The following AGBL4 variants were observed in gnomAD, a reference collection of about 807,000 sequenced individuals.
The protein encoded by AGBL4 is cytosolic carboxypeptidase 6.
AGBL4 carries 58 observed loss-of-function variants against 66.4 expected under a neutral mutation model. That is an observed-to-expected ratio of 0.87 (90% CI 0.71 to 1.09). The LOEUF (loss-of-function observed/expected upper bound fraction) is 1.09, where lower values mean the gene tolerates loss of function less well. AGBL4 is among the 50% of genes least tolerant of loss of function. AGBL4 has a pLI of 0.00. For synonymous variants in AGBL4, 234 were observed against 222.9 expected (o/e 1.05, Z -0.44); for missense variants, 579 against 631.0 (o/e 0.92, Z 0.88).
intron 4 of AGBL4, among the ~76,000 whole-genome samples, chr1:49,226,093 G>A (rs2148287174): frequency 6.6e-6 from 1 of 152,276 alleles, no homozygotes; most frequent in East Asian, 1.9e-4. Flanking sequence ...ATGAAACCCA[G>A]GTCCATCTGT....
chr1:48,688,080 G>T (rs547913744), intron 6 of AGBL4, among the ~76,000 whole-genome samples: 5 of 152,084 alleles, frequency 3.3e-5, no homozygotes, highest in African/African-American at 1.2e-4. Flanking sequence ...TAGAACAGTA[G>T]GTATTAAATA....
intron 4 of AGBL4, among the ~76,000 whole-genome samples, chr1:49,151,281 AATATAT>A (rs67309599): frequency 7.7e-5 from 11 of 143,198 alleles, no homozygotes; most frequent in South Asian, 4.3e-4. Context: ...AAAAAAAAAA[AATATAT>A]ATATATATAT....
At chr1:49,710,198 C>A (rs147004881) in intron 2 of AGBL4, among the ~76,000 whole-genome samples, 3 of 152,290 alleles carry the variant, frequency 2.0e-5, no homozygotes, top group African/African-American at 7.2e-5. Flanking sequence ...CCCAAATGCC[C>A]ATCAATGGTA....
rs1034663450 is a variant in AGBL4 at position 49,262,305 on chromosome 1, G to T, written c.283-16441C>A. Reference sequence around the variant, plus strand: ...GCGACAAAAGACAAAATTGACAAATGGGATCTAATTAAACTAAAGAGCTTC... The same window carrying T: ...GCGACAAAAGACAAAATTGACAAATTGGATCTAATTAAACTAAAGAGCTTC... On this transcript the variant is annotated intron_variant, in intron 3 of 13. Transcript: ENST00000371839. 7.9e-5 allele frequency among the ~76,000 whole-genome samples: 12 copies of T among 152,276 alleles called. No homozygotes were observed. In the Middle Eastern group the frequency reaches 0.01, roughly 129 times the overall value.
In AGBL4 at chr1:48,775,900, C is replaced by G. The variant is rs538739638; in HGVS notation, c.634+91291G>C. ...GCCCTCAACTCTCTCATTCAGGGAG[C>G]CTTCTGGGAGATTCAGAAAGGGGTG... On this transcript the variant is annotated intron_variant, in intron 6 of 13. Coordinates refer to ENST00000371839, the MANE Select transcript of AGBL4 (RefSeq NM_032785.4). Among the ~76,000 whole-genome samples, 519 of 152,294 alleles carry G rather than the reference C, an allele frequency of 3.4e-3. 2 individuals are homozygous for G. Among genetic ancestry groups the G allele is most frequent in the African/African-American group, 0.01 (434 of 41,534 alleles).
chr1:49,681,540 G>T (rs1431965038), intron 3 of AGBL4, among the ~76,000 whole-genome samples: 1 of 152,072 alleles, frequency 6.6e-6, no homozygotes, highest in African/African-American at 2.4e-5. Flanking sequence ...ACATTATTTT[G>T]CAAGTCCTCA....
At chr1:49,098,534 G>A (rs1279318240) in intron 4 of AGBL4, among the ~76,000 whole-genome samples, 5 of 152,206 alleles carry the variant, frequency 3.3e-5, no homozygotes, top group Non-Finnish European at 4.4e-5. Context: ...TGCAGCCATA[G>A]CAATAGGTCA....
At chr1:49,556,729 G>A (rs1317096590) in intron 3 of AGBL4, among the ~76,000 whole-genome samples, 1 of 151,996 alleles carries the variant, frequency 6.6e-6, no homozygotes, top group Non-Finnish European at 1.5e-5. Context: ...CCCTTGGGCC[G>A]TCCATGGGAC....
At chr1:49,256,034 C>T (rs144905684) in intron 3 of AGBL4, among the ~76,000 whole-genome samples, 9 of 152,044 alleles carry the variant, frequency 5.9e-5, no homozygotes, top group East Asian at 1.9e-4. Flanking sequence ...GAATGGAAAT[C>T]GGGAAAAATA....
At chr1:48,914,381 A>C (rs1200535850) in intron 5 of AGBL4, among the ~76,000 whole-genome samples, 1 of 152,124 alleles carries the variant, frequency 6.6e-6, no homozygotes, top group African/African-American at 2.4e-5. Context: ...TGTAAAGTTG[A>C]GTGGGGCAGA....
intron 5 of AGBL4, among the ~76,000 whole-genome samples, chr1:48,872,491 T>C (rs1188543030): frequency 6.6e-6 from 1 of 152,172 alleles, no homozygotes; most frequent in Non-Finnish European, 1.5e-5. Flanking sequence ...CTTGCTTATT[T>C]TGTCACAAGG....
chr1:49,288,743 T>G (rs370610875), intron 3 of AGBL4, among the ~76,000 whole-genome samples: 3 of 152,288 alleles, frequency 2.0e-5, no homozygotes, highest in Admixed American at 6.5e-5. Context: ...CTGTTTGAGA[T>G]GCCAAGGGAC....
At chr1:49,160,991 T>A (rs1646530412) in intron 4 of AGBL4, among the ~76,000 whole-genome samples, 1 of 152,112 alleles carries the variant, frequency 6.6e-6, no homozygotes. Context: ...CTGGGCTCCC[T>A]CGGGGTGGGA....
chr1:49,710,394 C>A (rs1007284667), intron 2 of AGBL4, among the ~76,000 whole-genome samples: 3 of 151,924 alleles, frequency 2.0e-5, no homozygotes, highest in African/African-American at 7.3e-5. Context: ...AAAAATGAGA[C>A]CATATGGGTA....
At position 48,611,634 on chromosome 1, in the gene AGBL4, G is replaced by A. The variant is rs1300258313; in HGVS notation, c.952-20649C>T. 3.9e-5 allele frequency among the ~76,000 whole-genome samples: 6 copies of A among 152,302 alleles called. No individual in the cohort carries two copies. The East Asian group carries it at 7.7e-4, about 20-fold the overall frequency. ...TCTCATTTAATTTTCACATAAGCCA[G>A]AGTTTTGGCCATTATCCTCATTTTA... is the stretch of plus-strand genomic sequence containing the variant. On this transcript the variant is annotated intron_variant, in intron 9 of 13. Transcript: ENST00000371839.
chr1:48,876,206 G>C (rs1156540241), intron 5 of AGBL4, among the ~76,000 whole-genome samples: 2 of 152,182 alleles, frequency 1.3e-5, no homozygotes, highest in Non-Finnish European at 2.9e-5. Context: ...TCTCCTGGCA[G>C]TGTGGGCTCT....
intron 3 of AGBL4, among the ~76,000 whole-genome samples, chr1:49,302,738 T>C (rs991526950): frequency 6.6e-6 from 1 of 151,294 alleles, no homozygotes; most frequent in East Asian, 1.9e-4. Context: ...TGTGACATGG[T>C]GGTTTGTTGC....
Position 49,783,186 on chromosome 1 carries a change from G to T in AGBL4, c.157+68210C>A, listed in dbSNP as rs148947973. On this transcript the variant is annotated intron_variant, in intron 2 of 13. Coordinates refer to ENST00000371839, the MANE Select transcript of AGBL4 (RefSeq NM_032785.4). ...GTATTTTATTATAGCAGCCTGAACT[G>T]GTTAAGATAAAGAATGAATTAGTAT... 4.2e-3 allele frequency among the ~76,000 whole-genome samples: 633 copies of T among 151,790 alleles called. 2 individuals are homozygous for T. Among genetic ancestry groups the T allele is most frequent in the Middle Eastern group, 0.02 (6 of 294 alleles).
chr1:49,655,582 A>G (rs1257584957), intron 3 of AGBL4, among the ~76,000 whole-genome samples: 1 of 152,218 alleles, frequency 6.6e-6, no homozygotes, highest in Non-Finnish European at 1.5e-5. Flanking sequence ...ATAGCACTAA[A>G]TGCCTACAAG....
Sources: allele counts gnomAD v4.1 joint callset (sites outside exome capture counted in the v4.1 genomes callset), GRCh38; gene constraint gnomAD v4.1.1; transcripts MANE v1.5; gene names NCBI Gene and HGNC (gene_info 2026-07-23, HGNC 2026-07-21).